CDH7: variants seen among roughly 807,000 people sequenced by gnomAD.
CDH7 encodes the protein cadherin-7.
In CDH7, 25 loss-of-function variants were observed where a neutral mutation model predicts 71.8. The ratio of observed to expected loss-of-function variants is 0.35; its 90% CI spans 0.25 to 0.49. The LOEUF (loss-of-function observed/expected upper bound fraction) is 0.49, where lower values mean the gene tolerates loss of function less well. CDH7 is among the 20% of genes least tolerant of loss of function. The probability of loss-of-function intolerance (pLI) is 0.99; values close to 1 mark genes in which losing one functional copy is unlikely to be tolerated. For synonymous variants in CDH7, 381 were observed against 363.8 expected (o/e 1.05, Z -0.54); for missense variants, 862 against 974.6 (o/e 0.88, Z 1.54).
chr18:65,824,844 T>A lies in CDH7; in HGVS notation c.981+13T>A, dbSNP rs1912070606. ...TACTATACAGAAGGTAATGTTTTCT[T>A]TATTTATCTTTTATCACAGATTACT... On this transcript the variant is annotated intron_variant, in intron 6 of 11. Coordinates refer to ENST00000397968, the MANE Select transcript of CDH7 (RefSeq NM_004361.5). The A allele has an allele frequency of 6.5e-7, 1 of 1,548,596 alleles. No individual in the cohort carries two copies. The highest frequency in any genetic ancestry group is 1.4e-5 in the African/African-American group (1 of 72,628).
chr18:65,799,380 TAAG>T (rs980568344), intron 2 of CDH7, among the ~76,000 whole-genome samples: 2 of 151,722 alleles, frequency 1.3e-5, no homozygotes, highest in Non-Finnish European at 2.9e-5. Flanking sequence ...AGGAGTGAGG[TAAG>T]AAGGACAATC....
chr18:65,861,113 C>A (rs1245647081), intron 10 of CDH7, among the ~76,000 whole-genome samples: 1 of 152,140 alleles, frequency 6.6e-6, no homozygotes, highest in Non-Finnish European at 1.5e-5. Context: ...AGCACGTGCA[C>A]TAAAATGTCA....
At chr18:65,858,019 G>T (rs1285751566) in intron 8 of CDH7, 67 bp downstream of exon 8, 2 of 1,482,994 alleles carry the variant, frequency 1.3e-6, no homozygotes, top group African/African-American at 1.4e-5. Flanking sequence ...TTGTCATGAG[G>T]TTGTAAATTC....
chr18:65,793,404 G>A (rs1356828806), intron 2 of CDH7, among the ~76,000 whole-genome samples: 1 of 147,878 alleles, frequency 6.8e-6, no homozygotes, highest in African/African-American at 2.5e-5. Context: ...CAGGGTAACA[G>A]CGACACCCAG....
chr18:65,860,154 T>C (rs1913511809), intron 10 of CDH7, among the ~76,000 whole-genome samples: 1 of 152,188 alleles, frequency 6.6e-6, no homozygotes, highest in African/African-American at 2.4e-5. Flanking sequence ...CCCTAATAAG[T>C]ACTATGCTCA....
At chr18:65,753,303 C>T (rs774401814) in intron 1 of CDH7, among the ~76,000 whole-genome samples, 1 of 152,120 alleles carries the variant, frequency 6.6e-6, no homozygotes, top group Non-Finnish European at 1.5e-5. Flanking sequence ...ACTTTTTTGT[C>T]AGATCTTTCA....
chr18:65,782,107 C>CTTTCTTTCT lies in CDH7; in HGVS notation c.210+19057_210+19058insTCTTTCTTT, dbSNP rs1555682165. 4.4e-4 allele frequency among the ~76,000 whole-genome samples: 11 copies of CTTTCTTTCT among 25,232 alleles called. 1 individual carries two copies. The highest frequency in any genetic ancestry group is 1.5e-3 in the Admixed American group (3 of 2,004). 16.6% of individuals were successfully genotyped at this position (25,232 alleles called of 152,430 possible). A position where few individuals can be genotyped will look rare whatever the true frequency, so the allele number is the denominator to read the frequency against. On this transcript the variant is annotated intron_variant, in intron 2 of 11. Coordinates refer to ENST00000397968, the MANE Select transcript of CDH7 (RefSeq NM_004361.5). ...CCTTCCTTCCTTCCTTCCTTCCTTC[C>CTTTCTTTCT]TTCTTTCTTTCTTTCTTTCTTTCTT...
chr18:65,829,691 A>C (rs1912266381), intron 6 of CDH7, among the ~76,000 whole-genome samples: 1 of 151,698 alleles, frequency 6.6e-6, no homozygotes, highest in South Asian at 2.1e-4. Context: ...GAGTCTAAAA[A>C]ATCCCTCCTA....
intron 11 of CDH7, among the ~76,000 whole-genome samples, chr18:65,877,918 A>C (rs1914118135): frequency 6.6e-6 from 1 of 152,196 alleles, no homozygotes; most frequent in East Asian, 1.9e-4. Flanking sequence ...TGTCAACTTT[A>C]GCCTTTGTTT....
intron 2 of CDH7, among the ~76,000 whole-genome samples, chr18:65,771,046 G>T (rs573431430): frequency 6.6e-6 from 1 of 152,224 alleles, no homozygotes; most frequent in South Asian, 2.1e-4. Flanking sequence ...TCACATGGCA[G>T]AAGAGAAAAA....
intron 2 of CDH7, among the ~76,000 whole-genome samples, chr18:65,777,440 G>A (rs1909989285): frequency 6.6e-6 from 1 of 151,940 alleles, no homozygotes; most frequent in Admixed American, 6.6e-5. Context: ...TCTCCGCAGT[G>A]GGACTAGCCT....
intron 2 of CDH7, among the ~76,000 whole-genome samples, chr18:65,797,076 C>G (rs1330743413): frequency 6.6e-6 from 1 of 152,116 alleles, no homozygotes; most frequent in Non-Finnish European, 1.5e-5. Context: ...ATGTGGTCCA[C>G]TCTCTCCAGG....
Position 65,782,176 on chromosome 18 carries a change from T to TTCTTTCC in CDH7, c.210+19130_210+19131insCTCTTTC, listed in dbSNP as rs1910332870. ...TTTCTTTCTTTCTTCCTTTCTTTCT[T>TTCTTTCC]TCTTTCTTTCTTGACAGAGTCTCAC... On this transcript the variant is annotated intron_variant, in intron 2 of 11. Coordinates refer to ENST00000397968, the MANE Select transcript of CDH7 (RefSeq NM_004361.5). 1.3e-4 allele frequency among the ~76,000 whole-genome samples: 18 copies of TTCTTTCC among 134,644 alleles called. 1 individual carries two copies. Among genetic ancestry groups the TTCTTTCC allele is most frequent in the Middle Eastern group, 3.5e-3 (1 of 284 alleles). The allele number at this position is 134,644 out of a possible 152,430, so 88.3% of individuals were successfully genotyped here. A position where few individuals can be genotyped will look rare whatever the true frequency, so the allele number is the denominator to read the frequency against.
chr18:65,767,084 T>C, intron 2 of CDH7, among the ~76,000 whole-genome samples: 1 of 143,666 alleles, frequency 7.0e-6, no homozygotes, highest in Admixed American at 6.8e-5. Context: ...TTAACATCAC[T>C]CTTTCTTTCT....
chr18:65,842,530 G>T (rs1463712017), intron 6 of CDH7, among the ~76,000 whole-genome samples: 1 of 151,668 alleles, frequency 6.6e-6, no homozygotes, highest in Admixed American at 6.6e-5. Context: ...GTGTATATAT[G>T]TGTTATATTT....
chr18:65,839,071 G>A (rs1329426407), intron 6 of CDH7, among the ~76,000 whole-genome samples: 2 of 152,100 alleles, frequency 1.3e-5, no homozygotes, highest in East Asian at 1.9e-4. Context: ...GGGCTTATAC[G>A]TGATAACATC....
At position 65,849,332 on chromosome 18, in the gene CDH7, C is replaced by CCTTTCCTTTTT. The variant is rs796796389; in HGVS notation, c.1235+5272_1235+5282dup. ...GCAGGAAATGCCTAATTTATTTTAG[C>CCTTTCCTTTTT]CTTTCCTTTTTCTTTTCTTTTCTTT... On this transcript the variant is annotated intron_variant, in intron 7 of 11. Transcript: ENST00000397968. Among the ~76,000 whole-genome samples, 670 of 95,232 alleles carry CCTTTCCTTTTT rather than the reference C, an allele frequency of 7.0e-3. 93 individuals are homozygous for CCTTTCCTTTTT. The highest frequency in any genetic ancestry group is 0.034 in the Middle Eastern group (5 of 148). The allele number at this position is 95,232 out of a possible 152,430, so 62.5% of individuals were successfully genotyped here. A position where few individuals can be genotyped will look rare whatever the true frequency, so the allele number is the denominator to read the frequency against.
rs1265255695 is a variant in CDH7 at position 65,888,548 on chromosome 18, T to C, written c.*7654T>C. 6.6e-6 allele frequency: 1 copy of C among 152,146 alleles called. No individual in the cohort carries two copies. Among genetic ancestry groups the C allele is most frequent in the Non-Finnish European group, 1.5e-5 (1 of 68,030 alleles). The allele number at this position is 152,146 out of a possible 1,614,324, so 9.4% of individuals were successfully genotyped here. ...TCATTGTAATTAAAGTTTGATATTTTCTTCTAAGTGACTGATTTTTAATAT... is the reference window on the plus strand; with the variant it reads ...TCATTGTAATTAAAGTTTGATATTTCCTTCTAAGTGACTGATTTTTAATAT... On this transcript the variant is annotated 3_prime_UTR_variant, in exon 12 of 12. Coordinates refer to ENST00000397968, the MANE Select transcript of CDH7 (RefSeq NM_004361.5).
chr18:65,793,768 G>A (rs1910801221), intron 2 of CDH7, among the ~76,000 whole-genome samples: 1 of 152,084 alleles, frequency 6.6e-6, no homozygotes, highest in Non-Finnish European at 1.5e-5. Flanking sequence ...TAAACAAAAT[G>A]CTGGCATTGA....
Sources: allele counts gnomAD v4.1 joint callset (sites outside exome capture counted in the v4.1 genomes callset), GRCh38; gene constraint gnomAD v4.1.1; transcripts MANE v1.5; gene names NCBI Gene and HGNC (gene_info 2026-07-23, HGNC 2026-07-21).